SVBP: variants seen among roughly 807,000 people sequenced by gnomAD.
The protein encoded by SVBP is small vasohibin-binding protein.
Under a neutral mutation model 9.2 loss-of-function variants are expected in SVBP, and 9 were observed. That is an observed-to-expected ratio of 0.98 (90% CI 0.59 to 1.71). The LOEUF is 1.71. Among genes scored for constraint, SVBP ranks in the 40% most tolerant of loss-of-function variants. The pLI is 0.00. For missense variants in SVBP, 63 were observed against 73.2 expected (o/e 0.86, Z 0.51); for synonymous variants, 27 against 23.9 (o/e 1.13, Z -0.37).
intron 2 of SVBP, chr1:42,816,215 G>A (rs889257946): frequency 1.3e-5 from 6 of 468,528 alleles, no homozygotes; most frequent in Admixed American, 8.2e-5. Context: ...CAAAAGCTCC[G>A]CACCAGACTG....
intron 2 of SVBP, among the ~76,000 whole-genome samples, chr1:42,810,097 CACACACACACACACACACATACATACAT>C (rs919984855): frequency 1.0e-4 from 3 of 29,600 alleles, no homozygotes; most frequent in African/African-American, 1.5e-4. Context: ...ATACTTTTAA[CACACACACACACACACACATACATACAT>C]ACACACACAC....
In SVBP at chr1:42,817,155, T is replaced by C. The variant is rs945514099; in HGVS notation, c.-37+35A>G. The C allele has an allele frequency of 3.7e-5, 45 of 1,202,470 alleles. No individual in the cohort carries two copies. The African/African-American group carries it at 5.4e-4, about 14-fold the overall frequency. The allele number at this position is 1,202,470 out of a possible 1,614,324, so 74.5% of individuals were successfully genotyped here. On this transcript the variant is annotated intron_variant, in intron 1 of 2. Transcript: ENST00000372521. ...TCTCCTGGAGGAAAATGGCGGTCGC[T>C]GGAGCCGCCGACCAAGAGGCTTGGG...
At chr1:42,817,025 C>A (rs1654234069) in intron 1 of SVBP, 165 bp downstream of exon 1, 2 of 362,974 alleles carry the variant, frequency 5.5e-6, no homozygotes, top group East Asian at 1.6e-4. Flanking sequence ...GGCCAGGGGG[C>A]CGGGCCCCAT....
chr1:42,807,537 A>G (rs1653987720), intron 2 of SVBP, 37 bp from the exon 3 acceptor site: 8 of 1,493,592 alleles, frequency 5.4e-6, no homozygotes, highest in Non-Finnish European at 6.5e-6. Context: ...TTAGCAATGG[A>G]AGCAGCTGCA....
intron 2 of SVBP, chr1:42,813,405 A>G (rs1654121676): frequency 9.0e-6 from 5 of 555,218 alleles, no homozygotes; most frequent in South Asian, 7.1e-5. Context: ...CATCTACCTG[A>G]GCCAGGGGCC....
At chr1:42,815,561 A>G (rs962886862) in intron 2 of SVBP, among the ~76,000 whole-genome samples, 3 of 152,154 alleles carry the variant, frequency 2.0e-5, no homozygotes, top group Admixed American at 6.5e-5. Context: ...AATACTATAA[A>G]TAATTTAAAT....
rs1553147633 is a variant in SVBP, at chr1:42,807,154, T to TGTG, written c.*259_*260insCAC. ...ATAGAAAAAGTGTTTTTTGTGTGTG[T>TGTG]TTTTTTTTTTTTTTTAAAAAAACCC... On this transcript the variant is annotated 3_prime_UTR_variant, in exon 3 of 3. Coordinates refer to ENST00000372521, the MANE Select transcript of SVBP (RefSeq NM_199342.4). 6 of 92,446 alleles carry TGTG rather than the reference T, an allele frequency of 6.5e-5. No individual in the cohort carries two copies. Among genetic ancestry groups the TGTG allele is most frequent in the South Asian group, 5.5e-4 (1 of 1,816 alleles). The allele number at this position is 92,446 out of a possible 1,614,324, so 5.7% of individuals were successfully genotyped here. A position where few individuals can be genotyped will look rare whatever the true frequency, so the allele number is the denominator to read the frequency against.
At position 42,807,162 on chromosome 1, in the gene SVBP, TTTTTTTTAA is replaced by T; in HGVS notation, c.*243_*251del. 1 of 289,504 alleles carries T rather than the reference TTTTTTTTAA, an allele frequency of 3.5e-6. No homozygotes were observed. Among genetic ancestry groups the T allele is most frequent in the Non-Finnish European group, 6.3e-6 (1 of 157,874 alleles). The allele number at this position is 289,504 out of a possible 1,614,324, so 17.9% of individuals were successfully genotyped here. ...AGTGTTTTTTGTGTGTGTTTTTTTT[TTTTTTTTAA>T]AAAAACCCAAAAAACAAAACCACTG... On this transcript the variant is annotated 3_prime_UTR_variant, in exon 3 of 3. Coordinates refer to ENST00000372521, the MANE Select transcript of SVBP (RefSeq NM_199342.4).
In SVBP at chr1:42,817,352, G is replaced by C; in HGVS notation, c.-199C>G. On this transcript the variant is annotated 5_prime_UTR_variant, in exon 1 of 3. Transcript: ENST00000372521. ...GCGCCGGGGGGAGGGGCGCAGGGCCGAGCGCCAGGAGGCTTCCGCCCGCAG... is the reference window on the plus strand; with the variant it reads ...GCGCCGGGGGGAGGGGCGCAGGGCCCAGCGCCAGGAGGCTTCCGCCCGCAG... The C allele has an allele frequency of 3.9e-6, 3 of 775,326 alleles. No individual in the cohort carries two copies. In the South Asian group the frequency reaches 8.1e-5, roughly 21 times the overall value. 48.0% of individuals were successfully genotyped at this position (775,326 alleles called of 1,614,324 possible).
At chr1:42,810,534 T>C (rs777176023) in intron 2 of SVBP, among the ~76,000 whole-genome samples, 4 of 152,106 alleles carry the variant, frequency 2.6e-5, no homozygotes, top group Admixed American at 2.6e-4. Flanking sequence ...ATTACTGTAC[T>C]AGGGACTGAG....
chr1:42,808,883 G>T (rs1300321572), intron 2 of SVBP: 1 of 152,042 alleles, frequency 6.6e-6, no homozygotes, highest in Non-Finnish European at 1.5e-5. Flanking sequence ...TTTTAGTAGA[G>T]ACAAGGTTTC....
intron 2 of SVBP, among the ~76,000 whole-genome samples, chr1:42,807,769 A>T (rs937078983): frequency 2.6e-5 from 4 of 152,118 alleles, no homozygotes; most frequent in African/African-American, 9.7e-5. Context: ...CATGTGGCCA[A>T]TTGAGATTGA....
chr1:42,808,603 CTATA>C (rs1204246989), intron 2 of SVBP, among the ~76,000 whole-genome samples: 1 of 146,192 alleles, frequency 6.8e-6, no homozygotes, highest in Non-Finnish European at 1.5e-5. Context: ...TATATATAGC[CTATA>C]TATATAACCT....
intron 2 of SVBP, among the ~76,000 whole-genome samples, chr1:42,812,801 A>T (rs1440824150): frequency 6.6e-6 from 1 of 152,218 alleles, no homozygotes; most frequent in Non-Finnish European, 1.5e-5. Flanking sequence ...ATGTCCATGT[A>T]CAAGTTTGTA....
chr1:42,813,654 C>T (rs1264306566), intron 2 of SVBP: 38 of 529,540 alleles, frequency 7.2e-5, no homozygotes, highest in South Asian at 5.1e-4. Context: ...ACTGGTTCTC[C>T]ATTTCCCAGA....
At chr1:42,817,050 G>GGCCCCC in intron 1 of SVBP, 140 bp downstream of exon 1, 13 of 165,682 alleles carry the variant, frequency 7.8e-5, no homozygotes, top group Middle Eastern at 3.0e-3. Context: ...AGCCGGGCCC[G>GGCCCCC]CCCCCCACCG....
Position 42,816,597 on chromosome 1 carries a change from G to A in SVBP, c.-36-17C>T. On this transcript the variant is annotated splice_polypyrimidine_tract_variant and intron_variant, in intron 1 of 2. Coordinates refer to ENST00000372521, the MANE Select transcript of SVBP (RefSeq NM_199342.4). Reference sequence around the variant, plus strand: ...GGCTCTGATCTGGGTGGTACAGAAAGAGGCAGATCTTCAAAACAAAACAAA... The same window carrying A: ...GGCTCTGATCTGGGTGGTACAGAAAAAGGCAGATCTTCAAAACAAAACAAA... 1.0e-5 allele frequency: 13 copies of A among 1,259,814 alleles called. No homozygotes were observed. The South Asian group carries it at 1.3e-4, about 13-fold the overall frequency. 78.0% of individuals were successfully genotyped at this position (1,259,814 alleles called of 1,614,324 possible).
intron 2 of SVBP, among the ~76,000 whole-genome samples, chr1:42,808,447 C>A (rs1485075044): frequency 9.8e-5 from 14 of 142,132 alleles, no homozygotes; most frequent in Admixed American, 2.1e-4. Context: ...GCTATATACA[C>A]TATATAGCTT....
chr1:42,810,643 A>T (rs1215819740), intron 2 of SVBP, among the ~76,000 whole-genome samples: 1 of 152,066 alleles, frequency 6.6e-6, no homozygotes, highest in Non-Finnish European at 1.5e-5. Flanking sequence ...CAGGCCAAAG[A>T]ATGACTCTCA....
Sources: gnomAD v4.1 joint callset for allele counts (sites outside exome capture counted in the v4.1 genomes callset) on GRCh38, gnomAD v4.1.1 for gene constraint, MANE v1.5 for transcripts, NCBI Gene and HGNC (gene_info 2026-07-23, HGNC 2026-07-21) for gene names.